Variants in DNAH8 observed in about 807,000 individuals in gnomAD.
DNAH8 encodes dynein axonemal heavy chain 8.
A neutral mutation model predicts 562.1 loss-of-function variants in DNAH8; 382 were observed. The ratio of observed to expected loss-of-function variants is 0.68; its 90% confidence interval spans 0.63 to 0.74. The LOEUF (loss-of-function observed/expected upper bound fraction) is 0.74. Among genes scored for constraint, DNAH8 ranks in the 30% least tolerant of loss-of-function variants. The pLI, the probability that DNAH8 is intolerant of heterozygous loss-of-function variation, is 0.00. For synonymous variants in DNAH8, 1,881 were observed against 1,919.4 expected (o/e 0.98, Z 0.52); for missense variants, 5,203 against 5,620.4 (o/e 0.93, Z 2.37).
intron 67 of DNAH8, 149 bp from the exon 68 acceptor site, chr6:38,915,051 AT>A: frequency 1.6e-6 from 1 of 616,306 alleles, no homozygotes; most frequent in Non-Finnish European, 2.6e-6. Flanking sequence ...ATTTACTTTA[AT>A]ATACCTTAAA....
chr6:38,883,575 G>C (rs1384218030), intron 55 of DNAH8, 119 bp downstream of exon 55: 4 of 1,158,050 alleles, frequency 3.5e-6, no homozygotes, highest in Non-Finnish European at 4.7e-6. Flanking sequence ...AAATCATGCT[G>C]CACTTGGCAT....
At chr6:39,012,922 G>C (rs911626050) in intron 91 of DNAH8, among the ~76,000 whole-genome samples, 15 of 152,168 alleles carry the variant, frequency 9.9e-5, no homozygotes, top group Non-Finnish European at 1.6e-4. Context: ...ACACATGAAA[G>C]AGTAAAAAGA....
chr6:38,746,578 T>G (rs556249090), intron 8 of DNAH8, among the ~76,000 whole-genome samples: 28 of 152,324 alleles, frequency 1.8e-4, no homozygotes, highest in Non-Finnish European at 3.1e-4. Flanking sequence ...ATGAATTAAT[T>G]TTTTCAGCCT....
intron 74 of DNAH8, 68 bp from the exon 75 acceptor site, chr6:38,929,443 C>T (rs1782362351): frequency 7.1e-7 from 1 of 1,407,408 alleles, no homozygotes; most frequent in Non-Finnish European, 9.4e-7. Flanking sequence ...CAACAAATCT[C>T]TCGGTTTCCC....
At chr6:38,929,066 A>G (rs1403638932) in intron 74 of DNAH8, among the ~76,000 whole-genome samples, 1 of 152,196 alleles carries the variant, frequency 6.6e-6, no homozygotes, top group Non-Finnish European at 1.5e-5. Flanking sequence ...GTGCGACTCA[A>G]TATATCATTT....
intron 91 of DNAH8, among the ~76,000 whole-genome samples, chr6:39,026,018 C>A (rs1169477939): frequency 6.6e-6 from 1 of 152,144 alleles, no homozygotes; most frequent in Non-Finnish European, 1.5e-5. Context: ...TGTAGCTTTC[C>A]TTTCCAGGGT....
intron 26 of DNAH8, among the ~76,000 whole-genome samples, chr6:38,818,448 G>C (rs1678701): frequency 6.6e-6 from 1 of 150,530 alleles, no homozygotes; most frequent in East Asian, 1.9e-4. Context: ...CAGACATGCA[G>C]TGTCTTTTAA....
intron 87 of DNAH8, among the ~76,000 whole-genome samples, chr6:38,989,533 T>C (rs897159876): frequency 6.6e-6 from 1 of 152,206 alleles, no homozygotes; most frequent in African/African-American, 2.4e-5. Flanking sequence ...AGAGTTTGCA[T>C]GGAGCTCTCC....
At chr6:38,864,690 T>A in intron 45 of DNAH8, among the ~76,000 whole-genome samples, 1 of 136,618 alleles carries the variant, frequency 7.3e-6, no homozygotes, top group African/African-American at 2.8e-5. Context: ...CTTCAGGGGG[T>A]GGTGGGGTGG....
At chr6:38,856,569 G>C (rs929831314) in intron 41 of DNAH8, among the ~76,000 whole-genome samples, 1 of 151,990 alleles carries the variant, frequency 6.6e-6, no homozygotes, top group East Asian at 1.9e-4. Context: ...TGCTCTTGGG[G>C]GGCTTTCTGA....
In DNAH8 at chr6:38,924,027, T is replaced by C; in HGVS notation, c.10827T>C (p.Leu3609=). ...VGDILLCTGF[L]SYLGPFNQIF... ...ATATTCTGCTGTGCACGGGATTCCT[T>C]TCCTACCTTGGTCCTTTCAATCAGA... The change falls in exon 73 of 93, where the codon CTT becomes CTC. Residue 3609 remains leucine, a synonymous_variant. Coordinates refer to ENST00000327475, the MANE Select transcript of DNAH8 (RefSeq NM_001206927.2). 1 of 1,614,042 alleles carries C rather than the reference T, an allele frequency of 6.2e-7. No individual in the cohort carries two copies. The highest frequency in any genetic ancestry group is 8.5e-7 in the Non-Finnish European group (1 of 1,179,918).
chr6:38,950,189 C>CGTGCGT (rs1554143242), intron 81 of DNAH8, among the ~76,000 whole-genome samples: 3 of 144,018 alleles, frequency 2.1e-5, no homozygotes, highest in Non-Finnish European at 4.6e-5. Context: ...TGTGTGTCTG[C>CGTGCGT]GTGTGTGTGT....
At chr6:38,816,341 GT>G (rs966832324) in intron 26 of DNAH8, among the ~76,000 whole-genome samples, 1 of 152,118 alleles carries the variant, frequency 6.6e-6, no homozygotes, top group African/African-American at 2.4e-5. Context: ...GTAGTGTTTG[GT>G]TTTCTGTTCC....
At chr6:38,908,812 C>A (rs1225931092) in intron 64 of DNAH8, among the ~76,000 whole-genome samples, 1 of 152,160 alleles carries the variant, frequency 6.6e-6, no homozygotes, top group Non-Finnish European at 1.5e-5. Context: ...CTGGGCCTCG[C>A]AAAGTGCTGG....
chr6:38,978,341 T>C (rs1209641048), intron 85 of DNAH8, among the ~76,000 whole-genome samples: 1 of 152,186 alleles, frequency 6.6e-6, no homozygotes, highest in East Asian at 1.9e-4. Flanking sequence ...TTCGGAAAAG[T>C]GTTTGCTTCC....
At chr6:38,880,597 A>G (rs1394539474) in intron 53 of DNAH8, among the ~76,000 whole-genome samples, 2 of 152,234 alleles carry the variant, frequency 1.3e-5, no homozygotes, top group Non-Finnish European at 2.9e-5. Flanking sequence ...TCCAATAACT[A>G]TCAATAGGCA....
intron 45 of DNAH8, 129 bp downstream of exon 45, chr6:38,864,189 AT>A (rs544218941): frequency 9.5e-5 from 79 of 832,442 alleles, no homozygotes; most frequent in South Asian, 2.4e-4. Context: ...TTACCATATG[AT>A]TTTTTTTATG....
chr6:38,775,721 T>A, intron 12 of DNAH8, 33 bp from the exon 13 acceptor site: 1 of 1,445,066 alleles, frequency 6.9e-7, no homozygotes, highest in Non-Finnish European at 9.6e-7. Context: ...GCTATCTCAT[T>A]TAAAAAAGCA....
chr6:38,791,046 T>A (rs1260937717), intron 20 of DNAH8, among the ~76,000 whole-genome samples: 1 of 152,140 alleles, frequency 6.6e-6, no homozygotes, highest in African/African-American at 2.4e-5. Context: ...ATTAACTAGA[T>A]GAGATGATCA....
Sources: allele counts gnomAD v4.1 joint callset (sites outside exome capture counted in the v4.1 genomes callset), GRCh38; gene constraint gnomAD v4.1.1; transcripts MANE v1.5; gene names NCBI Gene and HGNC (gene_info 2026-07-23, HGNC 2026-07-21).